The following NUP35 variants were observed in gnomAD, a reference collection of about 807,000 sequenced individuals.
NUP35 encodes nucleoporin 35.
NUP35 carries 25 observed loss-of-function variants against 41.5 expected under a neutral mutation model. The observed-to-expected ratio is 0.60, with a 90% CI of 0.44 to 0.84. NUP35 has a LOEUF of 0.84. NUP35 is among the 40% of genes least tolerant of loss of function. NUP35 has a pLI of 0.00. For missense variants in NUP35, 396 were observed against 396.6 expected, an observed-to-expected ratio of 1.00 and a Z score of 0.01; for synonymous variants, 149 against 130.7, an observed-to-expected ratio of 1.14 and a Z score of -0.96.
At position 183,130,592 on chromosome 2, in the gene NUP35, T is replaced by C. The variant is rs200892704; in HGVS notation, c.339+47T>C. 1.9e-6 allele frequency: 3 copies of C among 1,584,860 alleles called. No homozygotes were observed. In the South Asian group the frequency reaches 3.4e-5, roughly 18 times the overall value. On this transcript the variant is annotated intron_variant, in intron 3 of 8. Coordinates refer to ENST00000295119, the MANE Select transcript of NUP35 (RefSeq NM_138285.5). The stretch of plus-strand genomic sequence containing the variant: ...TCCCCAATGAACAACATCATGGTTT[T>C]ATGTGTCTGTTCAGTGAGAGTCAAT...
upstream of NUP35, chr2:183,124,305 C>T (rs1341505629): frequency 4.0e-6 from 6 of 1,499,530 alleles, no homozygotes; most frequent in Middle Eastern, 1.9e-4. Flanking sequence ...TGCCCTATTC[C>T]AAAATGGCTC....
chr2:183,145,190 A>T (rs963877355), intron 4 of NUP35, among the ~76,000 whole-genome samples: 4 of 152,224 alleles, frequency 2.6e-5, no homozygotes, highest in Admixed American at 2.6e-4. Context: ...AACTTAGTTG[A>T]TAAGTAGATT....
At chr2:183,129,797 C>T (rs1428042102) in intron 2 of NUP35, among the ~76,000 whole-genome samples, 2 of 152,230 alleles carry the variant, frequency 1.3e-5, no homozygotes, top group Non-Finnish European at 2.9e-5. Context: ...AGTCCAGGCT[C>T]AGACATTAGT....
chr2:183,137,833 C>T (rs1327547172), intron 4 of NUP35, among the ~76,000 whole-genome samples: 5 of 151,454 alleles, frequency 3.3e-5, no homozygotes, highest in Admixed American at 6.6e-5. Flanking sequence ...TAATGTTTTA[C>T]ATTTTAGTGG....
At chr2:183,160,346 T>A (rs1685828814) in intron 8 of NUP35, 1 of 152,160 alleles carries the variant, frequency 6.6e-6, no homozygotes, top group Non-Finnish European at 1.5e-5. Flanking sequence ...TCTATTACTG[T>A]TATTTTAAAT....
intron 5 of NUP35, among the ~76,000 whole-genome samples, chr2:183,153,929 A>G (rs1261969852): frequency 1.3e-5 from 2 of 152,156 alleles, no homozygotes; most frequent in East Asian, 1.9e-4. Context: ...AGGTATTTCC[A>G]TACATCTTCT....
intron 5 of NUP35, among the ~76,000 whole-genome samples, chr2:183,153,752 A>G (rs902123445): frequency 6.6e-6 from 1 of 152,082 alleles, no homozygotes; most frequent in African/African-American, 2.4e-5. Flanking sequence ...TGGATCTACC[A>G]TTCTGGGGAC....
intron 5 of NUP35, among the ~76,000 whole-genome samples, chr2:183,155,542 TTTTACA>T (rs1331181202): frequency 6.6e-6 from 1 of 151,952 alleles, no homozygotes; most frequent in Non-Finnish European, 1.5e-5. Flanking sequence ...CTTCTTCTTC[TTTTACA>T]TTTACATTTT....
At chr2:183,120,853 G>C (rs999467244), upstream of NUP35, among the ~76,000 whole-genome samples, 3 of 152,176 alleles carry the variant, frequency 2.0e-5, no homozygotes, top group African/African-American at 7.2e-5. Context: ...TTTGAGGTTT[G>C]ATGTACGGGT....
chr2:183,148,391 C>T lies in NUP35; in HGVS notation c.398-3117C>T, dbSNP rs1685351920. Among the ~76,000 whole-genome samples, 4 of 152,260 alleles carry T rather than the reference C, an allele frequency of 2.6e-5. No homozygotes were observed. The South Asian group carries it at 8.3e-4, about 32-fold the overall frequency. On this transcript the variant is annotated intron_variant, in intron 4 of 8. Transcript: ENST00000295119. ...CTTTGAGAAATCTCCATATGGCTTT[C>T]TATAGAGGTTGTACTAATTTACGTT... is the stretch of plus-strand genomic sequence containing the variant.
intron 4 of NUP35, among the ~76,000 whole-genome samples, chr2:183,145,834 A>T (rs1685258259): frequency 6.6e-6 from 1 of 152,222 alleles, no homozygotes; most frequent in South Asian, 2.1e-4. Context: ...CCTCCAAATG[A>T]TATCAAAACA....
upstream of NUP35, among the ~76,000 whole-genome samples, chr2:183,121,475 A>C (rs1700066465): frequency 6.6e-6 from 1 of 152,124 alleles, no homozygotes; most frequent in South Asian, 2.1e-4. Context: ...AGGGTAAAAG[A>C]TTGAAATGCA....
upstream of NUP35, chr2:183,124,315 C>T (rs1335776658): frequency 8.6e-6 from 13 of 1,519,224 alleles, no homozygotes; most frequent in Middle Eastern, 1.8e-4. Context: ...CAAAATGGCT[C>T]CGGCGCCTAC....
intron 4 of NUP35, among the ~76,000 whole-genome samples, chr2:183,144,368 C>T (rs901444075): frequency 2.6e-5 from 4 of 152,192 alleles, no homozygotes; most frequent in Non-Finnish European, 2.9e-5. Context: ...AGTCTTCCTC[C>T]TCTTGTTGAG....
At chr2:183,143,755 A>C (rs1012930556) in intron 4 of NUP35, among the ~76,000 whole-genome samples, 1 of 152,164 alleles carries the variant, frequency 6.6e-6, no homozygotes, top group Non-Finnish European at 1.5e-5. Context: ...GGAGTTTCTC[A>C]CAGTATCATT....
chr2:183,140,704 T>C (rs1265743720), intron 4 of NUP35, among the ~76,000 whole-genome samples: 1 of 151,178 alleles, frequency 6.6e-6, no homozygotes, highest in African/African-American at 2.4e-5. Flanking sequence ...ACACCTGTAA[T>C]CCCAGCTACT....
intron 4 of NUP35, among the ~76,000 whole-genome samples, chr2:183,148,958 A>T (rs76649974): frequency 6.6e-6 from 1 of 152,196 alleles, no homozygotes; most frequent in South Asian, 2.1e-4. Context: ...TTATCACAGT[A>T]GCTTTTCCCC....
chr2:183,159,140 T>C (rs1230557295), intron 7 of NUP35, among the ~76,000 whole-genome samples: 1 of 152,208 alleles, frequency 6.6e-6, no homozygotes, highest in Non-Finnish European at 1.5e-5. Context: ...TTGGGGTAAC[T>C]AAGTGCTAAA....
upstream of NUP35, among the ~76,000 whole-genome samples, chr2:183,121,297 GAT>G (rs1700063754): frequency 6.6e-6 from 1 of 152,008 alleles, no homozygotes; most frequent in Admixed American, 6.6e-5. Flanking sequence ...AAATAGTAAA[GAT>G]AGGGAAACAG....
Sources: gnomAD v4.1 joint callset for allele counts (sites outside exome capture counted in the v4.1 genomes callset) on GRCh38, gnomAD v4.1.1 for gene constraint, MANE v1.5 for transcripts, NCBI Gene and HGNC (gene_info 2026-07-23, HGNC 2026-07-21) for gene names.